The following RSRC2 variants were observed in gnomAD, a reference collection of about 807,000 sequenced individuals.
The protein encoded by RSRC2 is arginine/serine-rich coiled-coil protein 2.
A neutral mutation model predicts 61.3 loss-of-function variants in RSRC2; 5 were observed. The observed-to-expected ratio is 0.08, with a 90% CI of 0.04 to 0.17. The LOEUF (loss-of-function observed/expected upper bound fraction) is 0.17, where lower values mean the gene tolerates loss of function less well. RSRC2 is among the 10% of genes least tolerant of loss of function. The pLI, the probability that RSRC2 is intolerant of heterozygous loss-of-function variation, is 1.00. For synonymous variants in RSRC2, 202 were observed against 166.5 expected (o/e 1.21, Z -1.64); for missense variants, 381 against 518.8 (o/e 0.73, Z 2.58).
At chr12:122,507,068 AACC>A (rs1958158281) in intron 8 of RSRC2, 145 bp from the exon 9 acceptor site, 2 of 669,594 alleles carry the variant, frequency 3.0e-6, no homozygotes, top group East Asian at 2.8e-5. Context: ...AGACTTAAGA[AACC>A]ACAAAGCAAA....
intron 1 of RSRC2, 105 bp from the exon 2 acceptor site, chr12:122,522,404 T>C: frequency 9.5e-7 from 1 of 1,056,410 alleles, no homozygotes; most frequent in Non-Finnish European, 1.3e-6. Flanking sequence ...CCACAATCAA[T>C]AAATCAGAAT....
intron 5 of RSRC2, among the ~76,000 whole-genome samples, chr12:122,515,575 ATACAT>A (rs1022018554): frequency 1.3e-5 from 2 of 152,200 alleles, no homozygotes; most frequent in Non-Finnish European, 2.9e-5. Context: ...AGCTAGCCTT[ATACAT>A]TAGTCATTTT....
intron 7 of RSRC2, among the ~76,000 whole-genome samples, chr12:122,508,991 G>A (rs1958301921): frequency 1.3e-5 from 2 of 152,044 alleles, no homozygotes; most frequent in Admixed American, 6.6e-5. Context: ...TTACTTTGAG[G>A]ATAGAGAATT....
At position 122,518,872 on chromosome 12, in the gene RSRC2, C is replaced by A. The variant is rs896587110; in HGVS notation, c.365G>T (p.Gly122Val). The A allele has an allele frequency of 6.2e-7, 1 of 1,614,038 alleles. No individual in the cohort carries two copies. Among genetic ancestry groups the A allele is most frequent in the Non-Finnish European group, 8.5e-7 (1 of 1,179,974 alleles). The change falls in exon 4 of 10, where the codon GGC becomes GTC. Residue 122 changes from glycine to valine, a missense_variant. Around this residue, in one of 4 missense-constraint regions of RSRC2, gnomAD observed 266 missense variants for 270.5 expected, o/e 0.98. Coordinates refer to ENST00000331738, the MANE Select transcript of RSRC2 (RefSeq NM_023012.6). Reference sequence around the variant, plus strand: ...AGACCTAGATCTTGAGTGACTTCTGCCTCTTGATGACTTTCTTTCTTTGCG... The same window carrying A: ...AGACCTAGATCTTGAGTGACTTCTGACTCTTGATGACTTTCTTTCTTTGCG... ...HKRKERKSSR[G>V]RSHSRSRSRE...
At chr12:122,517,509 G>T in intron 4 of RSRC2, 79 bp from the exon 5 acceptor site, 3 of 1,538,524 alleles carry the variant, frequency 1.9e-6, no homozygotes, top group East Asian at 2.3e-5. Flanking sequence ...TTAGTTACTT[G>T]TAGTAACGCA....
intron 6 of RSRC2, among the ~76,000 whole-genome samples, chr12:122,512,716 G>C (rs143014749): frequency 8.3e-6 from 1 of 120,210 alleles, no homozygotes; most frequent in Non-Finnish European, 1.7e-5. Context: ...TAGGCAACAA[G>C]ACTTCATCTC....
At chr12:122,516,119 G>A (rs914550552) in intron 5 of RSRC2, among the ~76,000 whole-genome samples, 1 of 152,098 alleles carries the variant, frequency 6.6e-6, no homozygotes, top group African/African-American at 2.4e-5. Context: ...TTGATTTAAA[G>A]ATCAAGTGAT....
At chr12:122,521,288 G>A (rs1959201365) in intron 3 of RSRC2, 97 bp downstream of exon 3, 1 of 873,032 alleles carries the variant, frequency 1.1e-6, no homozygotes, top group Non-Finnish European at 1.8e-6. Flanking sequence ...TTCAAGTTTT[G>A]TACTTACCTT....
chr12:122,524,634 T>TGAACTACATCA (rs1468308746), intron 1 of RSRC2, among the ~76,000 whole-genome samples: 1 of 152,162 alleles, frequency 6.6e-6, no homozygotes, highest in Non-Finnish European at 1.5e-5. Flanking sequence ...CTGTAAAATA[T>TGAACTACATCA]ACTACAGAGC....
Position 122,526,831 on chromosome 12 carries a change from TC to T in RSRC2, c.6+16del. ...CAGAAAAATATCCCTGGCTTTAAAC[TC>T]AGATTCGGTACCTACCGCCATAGTT... is the stretch of plus-strand genomic sequence containing the variant. On this transcript the variant is annotated intron_variant, in intron 1 of 9. Transcript: ENST00000331738. 1.2e-6 allele frequency: 2 copies of T among 1,614,142 alleles called. No homozygotes were observed. Among genetic ancestry groups the T allele is most frequent in the Non-Finnish European group, 1.7e-6 (2 of 1,179,978 alleles).
rs1593411393 is a variant in RSRC2, at chr12:122,520,045, T to C, written c.208-1016A>G. The C allele has an allele frequency of 3.8e-5, 6 of 156,562 alleles. No homozygotes were observed. In the South Asian group the frequency reaches 1.1e-3, roughly 29 times the overall value. 9.7% of individuals were successfully genotyped at this position (156,562 alleles called of 1,614,324 possible). ...CAAAGCTACATGGGTGAGCTGAACCTTCCCCATGTTTTTCTGATGCCCACG... is the reference window on the plus strand; with the variant it reads ...CAAAGCTACATGGGTGAGCTGAACCCTCCCCATGTTTTTCTGATGCCCACG... On this transcript the variant is annotated intron_variant, in intron 3 of 9. Coordinates refer to ENST00000331738, the MANE Select transcript of RSRC2 (RefSeq NM_023012.6).
chr12:122,520,024 G>A (rs1012841373), intron 3 of RSRC2: 4 of 153,736 alleles, frequency 2.6e-5, no homozygotes, highest in Admixed American at 6.5e-5. Context: ...AAGTTACAAA[G>A]CTACATGGGT....
At chr12:122,524,127 T>G (rs1959684163) in intron 1 of RSRC2, among the ~76,000 whole-genome samples, 1 of 152,220 alleles carries the variant, frequency 6.6e-6, no homozygotes, top group South Asian at 2.1e-4. Context: ...ACAGATGAGA[T>G]CCAGCAACAT....
intron 7 of RSRC2, among the ~76,000 whole-genome samples, chr12:122,510,558 G>C (rs1457787451): frequency 6.6e-6 from 1 of 152,162 alleles, no homozygotes; most frequent in Non-Finnish European, 1.5e-5. Context: ...ATGATGACTA[G>C]TGTTACATAA....
At position 122,511,090 on chromosome 12, in the gene RSRC2, A is replaced by G. The variant is rs1439123433; in HGVS notation, c.805+19T>C. 15 of 1,568,534 alleles carry G rather than the reference A, an allele frequency of 9.6e-6. No homozygotes were observed. The highest frequency in any genetic ancestry group is 1.4e-5 in the African/African-American group (1 of 73,570). On this transcript the variant is annotated intron_variant, in intron 7 of 9. Transcript: ENST00000331738. ...AAGAGCTCAAATCGAGATGACTAAA[A>G]AAGAATGAAAAAAATTACCTGCAGC...
chr12:122,514,855 C>A, intron 6 of RSRC2: 4 of 681,234 alleles, frequency 5.9e-6, no homozygotes, highest in East Asian at 4.6e-5. Context: ...ATTTGGGAGT[C>A]TAAATTTGAG....
rs185360198 is a variant in RSRC2 at position 122,524,093 on chromosome 12, A to T, written c.7-1794T>A. 3.8e-4 allele frequency among the ~76,000 whole-genome samples: 58 copies of T among 152,302 alleles called. No individual in the cohort carries two copies. In the East Asian group the frequency reaches 0.011, roughly 29 times the overall value. ...ATGCTGAAAGGTTTTCACCCCTTAG[A>T]ATAGAGTTCAACTTTCTCGTTTCAC... On this transcript the variant is annotated intron_variant, in intron 1 of 9. Coordinates refer to ENST00000331738, the MANE Select transcript of RSRC2 (RefSeq NM_023012.6).
intron 3 of RSRC2, 113 bp from the exon 4 acceptor site, chr12:122,519,142 T>A: frequency 1.3e-6 from 1 of 765,028 alleles, no homozygotes. Context: ...TAGGAGTGTG[T>A]GGCAAATAAA....
Position 122,515,101 on chromosome 12 carries a change from A to T in RSRC2, c.725+4T>A. ...GGAACAAATGAATTAAGAAATATAC[A>T]CACCTTCTAGCTAAAGCTTCCTGTG... On this transcript the variant is annotated splice_donor_region_variant and intron_variant, in intron 6 of 9. Transcript: ENST00000331738. The T allele has an allele frequency of 6.2e-7, 1 of 1,612,278 alleles. No individual in the cohort carries two copies. Among genetic ancestry groups the T allele is most frequent in the Non-Finnish European group, 8.5e-7 (1 of 1,179,450 alleles).
Sources: gnomAD v4.1 joint callset for allele counts (sites outside exome capture counted in the v4.1 genomes callset) on GRCh38, gnomAD v4.1.1 for gene constraint, gnomAD v4.1.1 regional missense constraint, MANE v1.5 for transcripts, NCBI Gene and HGNC (gene_info 2026-07-23, HGNC 2026-07-21) for gene names.